DUSP16: variants seen among roughly 807,000 people sequenced by gnomAD.
DUSP16 encodes dual specificity protein phosphatase 16.
In DUSP16, 21 loss-of-function variants were observed where a neutral mutation model predicts 58.3. That is an observed-to-expected ratio of 0.36 (90% confidence interval 0.26 to 0.52). The LOEUF (loss-of-function observed/expected upper bound fraction) is 0.52, where lower values mean the gene tolerates loss of function less well. DUSP16 is among the 20% of genes least tolerant of loss of function. DUSP16 has a pLI of 0.94. For missense variants in DUSP16, 726 were observed against 819.0 expected (o/e 0.89, Z 1.39); for synonymous variants, 320 against 323.8 (o/e 0.99, Z 0.12).
At chr12:12,534,913 A>C (rs566099319) in intron 1 of DUSP16, among the ~76,000 whole-genome samples, 3 of 152,344 alleles carry the variant, frequency 2.0e-5, no homozygotes, top group Admixed American at 6.5e-5. Context: ...TCAATATTTT[A>C]CATTTATATT....
intron 1 of DUSP16, among the ~76,000 whole-genome samples, chr12:12,558,911 A>G (rs1030888038): frequency 2.6e-5 from 4 of 152,116 alleles, no homozygotes; most frequent in Non-Finnish European, 4.4e-5. Flanking sequence ...TACCTGTCCA[A>G]GGTAATCTGT....
chr12:12,522,354 AGCTGAACCCAGT>A (rs1198553218), intron 1 of DUSP16, among the ~76,000 whole-genome samples: 2 of 152,210 alleles, frequency 1.3e-5, no homozygotes, highest in African/African-American at 4.8e-5. Flanking sequence ...GAGCCCTTAA[AGCTGAACCCAGT>A]GCTTCCCTTT....
chr12:12,560,961 C>CACACACACACACACACACACACACAG (rs2136278572), intron 1 of DUSP16: 1 of 152,300 alleles, frequency 6.6e-6, no homozygotes, highest in Admixed American at 6.5e-5. Flanking sequence ...CACACACACA[C>CACACACACACACACACACACACACAG]ACACAGAGGC....
intron 3 of DUSP16, among the ~76,000 whole-genome samples, chr12:12,508,815 CAT>C (rs1944034448): frequency 2.0e-5 from 3 of 152,148 alleles, no homozygotes; most frequent in African/African-American, 7.2e-5. Context: ...ACAGTTATGA[CAT>C]ACACAACAGT....
rs556168620 is a variant in DUSP16, at chr12:12,498,838, A to G, written c.531+1681T>C. On this transcript the variant is annotated intron_variant, in intron 4 of 6. Coordinates refer to ENST00000298573, the MANE Select transcript of DUSP16 (RefSeq NM_030640.3). ...AGGGGTGCTTCCTGACAAGCCTTCTATAATAACTCCTTGCCCAAGGTGTTG... is the reference window on the plus strand; with the variant it reads ...AGGGGTGCTTCCTGACAAGCCTTCTGTAATAACTCCTTGCCCAAGGTGTTG... Among the ~76,000 whole-genome samples, 3 of 152,320 alleles carry G rather than the reference A, an allele frequency of 2.0e-5. No individual in the cohort carries two copies. The South Asian group carries it at 6.2e-4, about 32-fold the overall frequency.
In DUSP16 at chr12:12,476,995, G is replaced by A. The variant is rs1943453857; in HGVS notation, c.1836C>T (p.Ser612=). The A allele has an allele frequency of 4.3e-6, 7 of 1,614,242 alleles. No individual in the cohort carries two copies. The highest frequency in any genetic ancestry group is 5.9e-6 in the Non-Finnish European group (7 of 1,180,056). Residue 612 remains serine (S), a synonymous_variant, in exon 7 of 7, where the codon AGC becomes AGT. Transcript: ENST00000298573. ...TTTCAAAGGGGCTCTCTTCATGCCAGCTCCGCCGCGAGTCAGCTCTGTCAC... is the reference window on the plus strand; with the variant it reads ...TTTCAAAGGGGCTCTCTTCATGCCAACTCCGCCGCGAGTCAGCTCTGTCAC... ...KPSDRADSRR[S]WHEESPFEKQ...
At chr12:12,510,151 G>C (rs944023104) in intron 3 of DUSP16, among the ~76,000 whole-genome samples, 1 of 152,092 alleles carries the variant, frequency 6.6e-6, no homozygotes, top group East Asian at 1.9e-4. Context: ...ATGGCTCAGG[G>C]AATCAGGGCA....
chr12:12,550,803 A>G (rs1398318899), intron 1 of DUSP16, among the ~76,000 whole-genome samples: 7 of 151,830 alleles, frequency 4.6e-5, no homozygotes, highest in African/African-American at 1.7e-4. Flanking sequence ...TGACGGGCTG[A>G]TGGGTGCAGC....
chr12:12,515,632 T>C (rs12832002), intron 3 of DUSP16, among the ~76,000 whole-genome samples: 9,956 of 151,026 alleles, frequency 0.066, 464 homozygotes, highest in Non-Finnish European at 0.095. Flanking sequence ...CTGGCCAATA[T>C]GAATTCTTAA....
chr12:12,498,541 A>G (rs971022612), intron 4 of DUSP16, among the ~76,000 whole-genome samples: 1 of 151,862 alleles, frequency 6.6e-6, no homozygotes, highest in Non-Finnish European at 1.5e-5. Flanking sequence ...CAGCCTCCCA[A>G]GTAGCTGGAA....
chr12:12,540,585 T>A (rs940779882), intron 1 of DUSP16, among the ~76,000 whole-genome samples: 1 of 152,208 alleles, frequency 6.6e-6, no homozygotes, highest in African/African-American at 2.4e-5. Context: ...TCATAAGATA[T>A]CTATAAGGCT....
At chr12:12,556,242 A>G (rs773283716) in intron 1 of DUSP16, among the ~76,000 whole-genome samples, 10 of 152,086 alleles carry the variant, frequency 6.6e-5, no homozygotes, top group Non-Finnish European at 1.3e-4. Context: ...ACTTTTTAAA[A>G]TCCTTTACCT....
intron 1 of DUSP16, among the ~76,000 whole-genome samples, chr12:12,553,850 A>T (rs1467736190): frequency 3.3e-5 from 5 of 152,164 alleles, no homozygotes; most frequent in African/African-American, 1.2e-4. Flanking sequence ...CGATGTGTCT[A>T]TGAAATTTTC....
At chr12:12,560,788 C>G (rs1944887060) in intron 1 of DUSP16, 1 of 152,276 alleles carries the variant, frequency 6.6e-6, no homozygotes, top group Non-Finnish European at 1.5e-5. Context: ...AAGCCCTTTT[C>G]TTGATGGAGG....
chr12:12,498,008 A>G (rs553980261), intron 4 of DUSP16, among the ~76,000 whole-genome samples: 1 of 152,106 alleles, frequency 6.6e-6, no homozygotes, highest in East Asian at 1.9e-4. Flanking sequence ...AAACACTAAT[A>G]ATATTAGTGG....
In DUSP16 at chr12:12,473,847, G is replaced by A. The variant is rs187145135; in HGVS notation, c.*2986C>T. 3.3e-5 allele frequency among the ~76,000 whole-genome samples: 5 copies of A among 152,304 alleles called. No homozygotes were observed. The highest frequency in any genetic ancestry group is 1.9e-4 in the East Asian group (1 of 5,192). On this transcript the variant is annotated 3_prime_UTR_variant, in exon 7 of 7. Coordinates refer to ENST00000298573, the MANE Select transcript of DUSP16 (RefSeq NM_030640.3). ...CCTTCCTGTTTTTCCTGTAGGAATC[G>A]TAACATCATTTACATGTTATATCGA...
At chr12:12,510,398 T>C (rs1014995149) in intron 3 of DUSP16, among the ~76,000 whole-genome samples, 11 of 152,186 alleles carry the variant, frequency 7.2e-5, no homozygotes, top group Non-Finnish European at 1.5e-4. Flanking sequence ...ACAGCTCACT[T>C]CTCAGGCTAT....
intron 1 of DUSP16, among the ~76,000 whole-genome samples, chr12:12,533,142 T>C (rs1276529526): frequency 6.6e-6 from 1 of 152,146 alleles, no homozygotes; most frequent in Non-Finnish European, 1.5e-5. Context: ...TAAAAATAGG[T>C]CAGTTAGGGT....
At chr12:12,490,552 C>G (rs1328548986) in intron 4 of DUSP16, among the ~76,000 whole-genome samples, 1 of 152,270 alleles carries the variant, frequency 6.6e-6, no homozygotes, top group South Asian at 2.1e-4. Context: ...TATACATACT[C>G]GAAACATCAT....
Sources: gnomAD v4.1 joint callset for allele counts (sites outside exome capture counted in the v4.1 genomes callset) on GRCh38, gnomAD v4.1.1 for gene constraint, MANE v1.5 for transcripts, NCBI Gene and HGNC (gene_info 2026-07-23, HGNC 2026-07-21) for gene names.